The following NSMCE2 variants were observed in gnomAD, a reference collection of about 807,000 sequenced individuals.
The protein encoded by NSMCE2 is NSE2 SUMO ligase component of SMC5/6 complex.
A neutral mutation model predicts 23.8 loss-of-function variants in NSMCE2; 24 were observed. The ratio of observed to expected loss-of-function variants is 1.01; its 90% CI spans 0.73 to 1.42. NSMCE2 has a LOEUF of 1.42. Ranked by LOEUF, NSMCE2 falls within the 40% of genes most tolerant of loss-of-function variation. The pLI is 0.00. For synonymous variants in NSMCE2, 92 were observed against 94.1 expected, an observed-to-expected ratio of 0.98 and a Z score of 0.13; for missense variants, 284 against 296.5, an observed-to-expected ratio of 0.96 and a Z score of 0.31.
chr8:125,276,601 C>A (rs183950522), intron 5 of NSMCE2, among the ~76,000 whole-genome samples: 1 of 151,476 alleles, frequency 6.6e-6, no homozygotes, highest in Non-Finnish European at 1.5e-5. Flanking sequence ...TATATACAGT[C>A]CCTCATAGAG....
chr8:125,241,648 G>A (rs1293147884), intron 5 of NSMCE2, among the ~76,000 whole-genome samples: 1 of 152,214 alleles, frequency 6.6e-6, no homozygotes, highest in African/African-American at 2.4e-5. Flanking sequence ...TAGGATGGAG[G>A]TGGGTTGGAG....
intron 5 of NSMCE2, among the ~76,000 whole-genome samples, chr8:125,237,589 A>G (rs1203622040): frequency 6.6e-6 from 1 of 152,202 alleles, no homozygotes. Context: ...ATAATTCACT[A>G]TCAGGCTGAT....
At chr8:125,297,427 A>G (rs190096477) in intron 5 of NSMCE2, among the ~76,000 whole-genome samples, 3 of 152,186 alleles carry the variant, frequency 2.0e-5, no homozygotes, top group African/African-American at 7.2e-5. Context: ...TCCATTTTCA[A>G]ATAGTTCTAA....
intron 1 of NSMCE2, among the ~76,000 whole-genome samples, chr8:125,100,510 T>C (rs549152378): frequency 2.0e-5 from 3 of 152,292 alleles, no homozygotes; most frequent in African/African-American, 7.2e-5. Context: ...TTATGTTTTA[T>C]CTCTGTCTCT....
At chr8:125,143,331 G>A (rs1425661158) in intron 3 of NSMCE2, among the ~76,000 whole-genome samples, 1 of 152,078 alleles carries the variant, frequency 6.6e-6, no homozygotes, top group Non-Finnish European at 1.5e-5. Context: ...GAAGAGATTA[G>A]GAAATACCCA....
chr8:125,184,712 C>T (rs574610001), intron 5 of NSMCE2, among the ~76,000 whole-genome samples: 2 of 152,068 alleles, frequency 1.3e-5, no homozygotes, highest in South Asian at 4.2e-4. Context: ...CAAGTTGATA[C>T]AAGTATAAAC....
At chr8:125,253,395 CA>C (rs1348841077) in intron 5 of NSMCE2, among the ~76,000 whole-genome samples, 2 of 152,060 alleles carry the variant, frequency 1.3e-5, no homozygotes, top group Non-Finnish European at 2.9e-5. Flanking sequence ...TCGCCCTGAG[CA>C]AAAAAGATGC....
intron 4 of NSMCE2, among the ~76,000 whole-genome samples, chr8:125,173,575 C>G (rs1391653848): frequency 6.6e-6 from 1 of 152,178 alleles, no homozygotes; most frequent in African/African-American, 2.4e-5. Context: ...TCATTGTACT[C>G]TTTCACTGTT....
chr8:125,108,798 A>C (rs1818592078), intron 3 of NSMCE2, among the ~76,000 whole-genome samples: 1 of 152,238 alleles, frequency 6.6e-6, no homozygotes, highest in South Asian at 2.1e-4. Context: ...AACTACAAAG[A>C]TAAATAAAGG....
chr8:125,333,554 G>A (rs1448067606), intron 5 of NSMCE2, among the ~76,000 whole-genome samples: 1 of 103,844 alleles, frequency 9.6e-6, no homozygotes, highest in African/African-American at 4.0e-5. Context: ...TCGCTCTGTC[G>A]CCCAGGCTGG....
chr8:125,106,663 C>A (rs186870019), intron 3 of NSMCE2, among the ~76,000 whole-genome samples: 1 of 135,784 alleles, frequency 7.4e-6, no homozygotes, highest in African/African-American at 2.8e-5. Flanking sequence ...CCAGCCTGGG[C>A]GACAGAGCAA....
At chr8:125,356,239 G>C (rs1813268741) in intron 5 of NSMCE2, among the ~76,000 whole-genome samples, 1 of 151,850 alleles carries the variant, frequency 6.6e-6, no homozygotes, top group African/African-American at 2.4e-5. Context: ...TGTGTATGGG[G>C]GGGGGTGTTC....
At chr8:125,282,837 G>C (rs953492022) in intron 5 of NSMCE2, among the ~76,000 whole-genome samples, 1 of 152,226 alleles carries the variant, frequency 6.6e-6, no homozygotes, top group Non-Finnish European at 1.5e-5. Flanking sequence ...GTAACACAGT[G>C]TACAGCCCTA....
At chr8:125,176,335 C>T (rs1051697723) in intron 4 of NSMCE2, among the ~76,000 whole-genome samples, 1 of 152,184 alleles carries the variant, frequency 6.6e-6, no homozygotes, top group Non-Finnish European at 1.5e-5. Flanking sequence ...TGACAGATCT[C>T]GAAATTCCTT....
At chr8:125,264,159 G>T (rs1434830358) in intron 5 of NSMCE2, among the ~76,000 whole-genome samples, 3 of 152,232 alleles carry the variant, frequency 2.0e-5, no homozygotes, top group Non-Finnish European at 4.4e-5. Context: ...AGCAGTAGAT[G>T]TGCTTGTTCC....
chr8:125,147,307 T>C (rs555481689), intron 3 of NSMCE2, among the ~76,000 whole-genome samples: 2 of 152,344 alleles, frequency 1.3e-5, no homozygotes, highest in African/African-American at 4.8e-5. Flanking sequence ...TATATTTTAG[T>C]GAAAGTTTAA....
chr8:125,186,719 A>G (rs1823125656), intron 5 of NSMCE2, among the ~76,000 whole-genome samples: 1 of 152,192 alleles, frequency 6.6e-6, no homozygotes, highest in Non-Finnish European at 1.5e-5. Context: ...TAGGTACAGA[A>G]AGATTTTGAG....
At chr8:125,251,826 A>C (rs1187189893) in intron 5 of NSMCE2, among the ~76,000 whole-genome samples, 1 of 152,228 alleles carries the variant, frequency 6.6e-6, no homozygotes, top group African/African-American at 2.4e-5. Flanking sequence ...GCTAAATGTC[A>C]GAGCTGGGAT....
At chr8:125,283,632 T>C (rs1414089123) in intron 5 of NSMCE2, among the ~76,000 whole-genome samples, 1 of 152,184 alleles carries the variant, frequency 6.6e-6, no homozygotes, top group Non-Finnish European at 1.5e-5. Context: ...AAGATCAGGA[T>C]AACATGAAGA....
Sources: allele counts gnomAD v4.1 joint callset (sites outside exome capture counted in the v4.1 genomes callset), GRCh38; gene constraint gnomAD v4.1.1; transcripts MANE v1.5; gene names NCBI Gene and HGNC (gene_info 2026-07-23, HGNC 2026-07-21).